Variants in ST6GALNAC3 observed in about 807,000 individuals in gnomAD.
ST6GALNAC3 encodes alpha-N-acetylgalactosaminide alpha-2,6-sialyltransferase 3.
Under a neutral mutation model 32.7 loss-of-function variants are expected in ST6GALNAC3, and 25 were observed. The observed-to-expected ratio is 0.76, with a 90% CI of 0.56 to 1.07. The LOEUF is 1.07. ST6GALNAC3 is among the 50% of genes least tolerant of loss of function. The pLI, the probability that ST6GALNAC3 is intolerant of heterozygous loss-of-function variation, is 0.00. For synonymous variants in ST6GALNAC3, 129 were observed against 133.1 expected (o/e 0.97, Z 0.21); for missense variants, 355 against 382.4 (o/e 0.93, Z 0.60).
At chr1:76,156,038 A>AC (rs1393377367) in intron 1 of ST6GALNAC3, among the ~76,000 whole-genome samples, 1 of 152,120 alleles carries the variant, frequency 6.6e-6, no homozygotes, top group Non-Finnish European at 1.5e-5. Context: ...GTTTTTAATG[A>AC]CCTTGACAGT....
intron 3 of ST6GALNAC3, among the ~76,000 whole-genome samples, chr1:76,478,663 C>T (rs540840674): frequency 2.0e-5 from 3 of 151,496 alleles, no homozygotes; most frequent in African/African-American, 7.3e-5. Flanking sequence ...CCTAGTACTA[C>T]TATTTTTTCC....
intron 1 of ST6GALNAC3, among the ~76,000 whole-genome samples, chr1:76,295,182 A>C (rs1660324884): frequency 6.6e-6 from 1 of 151,882 alleles, no homozygotes. Flanking sequence ...GAGCCTGAGC[A>C]ATTATAGTTT....
intron 3 of ST6GALNAC3, among the ~76,000 whole-genome samples, chr1:76,552,215 G>A (rs1445445824): frequency 1.3e-5 from 2 of 152,062 alleles, no homozygotes; most frequent in African/African-American, 4.8e-5. Context: ...TTAGTCTCAG[G>A]GCCCACAAAG....
intron 3 of ST6GALNAC3, among the ~76,000 whole-genome samples, chr1:76,466,739 G>A (rs779112627): frequency 2.4e-4 from 37 of 151,974 alleles, no homozygotes; most frequent in African/African-American, 8.2e-4. Flanking sequence ...GAGACTCTTA[G>A]TCAATTTTAA....
intron 3 of ST6GALNAC3, among the ~76,000 whole-genome samples, chr1:76,438,926 T>C (rs1472933340): frequency 6.6e-6 from 1 of 152,240 alleles, no homozygotes; most frequent in Non-Finnish European, 1.5e-5. Context: ...ATGTGAGCTT[T>C]CTGAAGAGCA....
chr1:76,126,608 C>T (rs901591455), intron 1 of ST6GALNAC3, among the ~76,000 whole-genome samples: 11 of 152,246 alleles, frequency 7.2e-5, no homozygotes, highest in Non-Finnish European at 8.8e-5. Flanking sequence ...TGCTCTGAGA[C>T]GCAGCACTCA....
intron 3 of ST6GALNAC3, among the ~76,000 whole-genome samples, chr1:76,515,702 T>C (rs1236697849): frequency 6.6e-6 from 1 of 152,206 alleles, no homozygotes; most frequent in African/African-American, 2.4e-5. Flanking sequence ...TTAATTTCCA[T>C]GTATTTGTAA....
intron 1 of ST6GALNAC3, among the ~76,000 whole-genome samples, chr1:76,260,430 T>C (rs1200614289): frequency 1.3e-5 from 2 of 152,212 alleles, no homozygotes; most frequent in Non-Finnish European, 2.9e-5. Context: ...TAGTCCCCAG[T>C]TATTGAACAC....
intron 1 of ST6GALNAC3, among the ~76,000 whole-genome samples, chr1:76,229,582 G>GC (rs1484111160): frequency 4.6e-5 from 7 of 152,158 alleles, no homozygotes; most frequent in Admixed American, 1.3e-4. Flanking sequence ...TTCTCATTTG[G>GC]TTGGTCTTTG....
chr1:76,494,649 GCACACACACA>G (rs35632611), intron 3 of ST6GALNAC3, among the ~76,000 whole-genome samples: 7 of 67,700 alleles, frequency 1.0e-4, no homozygotes, highest in Admixed American at 3.3e-4. Context: ...ATGTGTATGC[GCACACACACA>G]CACACACACA....
intron 3 of ST6GALNAC3, among the ~76,000 whole-genome samples, chr1:76,532,596 AAG>A (rs767038841): frequency 1.3e-5 from 2 of 152,210 alleles, no homozygotes; most frequent in East Asian, 1.9e-4. Flanking sequence ...GCAGCTTATA[AAG>A]AGAGAATTAA....
chr1:76,571,530 C>A (rs1391767932), intron 3 of ST6GALNAC3, among the ~76,000 whole-genome samples: 2 of 152,086 alleles, frequency 1.3e-5, no homozygotes, highest in African/African-American at 4.8e-5. Flanking sequence ...GTGTTGAATT[C>A]TTCACCTCAA....
At chr1:76,245,168 T>C (rs975992805) in intron 1 of ST6GALNAC3, among the ~76,000 whole-genome samples, 3 of 152,218 alleles carry the variant, frequency 2.0e-5, no homozygotes, top group African/African-American at 4.8e-5. Context: ...TGGGAGGGTG[T>C]ATGTGTCCAG....
At chr1:76,550,728 T>A (rs1664569273) in intron 3 of ST6GALNAC3, among the ~76,000 whole-genome samples, 2 of 152,116 alleles carry the variant, frequency 1.3e-5, no homozygotes, top group Admixed American at 6.6e-5. Context: ...TTATAATGGA[T>A]AAAAAGCTTT....
chr1:76,464,756 C>T (rs752752369), intron 3 of ST6GALNAC3, among the ~76,000 whole-genome samples: 5 of 152,238 alleles, frequency 3.3e-5, no homozygotes, highest in Non-Finnish European at 7.4e-5. Flanking sequence ...AATTACCCTA[C>T]GAGGTCATTC....
chr1:76,404,969 T>A (rs543595413), intron 2 of ST6GALNAC3, among the ~76,000 whole-genome samples: 1 of 152,166 alleles, frequency 6.6e-6, no homozygotes, highest in Non-Finnish European at 1.5e-5. Flanking sequence ...GTTCTTGTTT[T>A]TACTTGAGAT....
intron 2 of ST6GALNAC3, among the ~76,000 whole-genome samples, chr1:76,324,923 A>T (rs1219966213): frequency 6.6e-6 from 1 of 151,894 alleles, no homozygotes; most frequent in Non-Finnish European, 1.5e-5. Flanking sequence ...CATTTTTTTA[A>T]TTTTTCACAT....
chr1:76,295,322 ATGTCTACCAAG>A (rs1436754818), intron 1 of ST6GALNAC3, among the ~76,000 whole-genome samples: 2 of 152,106 alleles, frequency 1.3e-5, no homozygotes, highest in Admixed American at 6.5e-5. Flanking sequence ...AACTCTCAGA[ATGTCTACCAAG>A]TGTATTATGC....
At chr1:76,361,492 T>C (rs1248541395) in intron 2 of ST6GALNAC3, among the ~76,000 whole-genome samples, 1 of 152,230 alleles carries the variant, frequency 6.6e-6, no homozygotes, top group African/African-American at 2.4e-5. Context: ...AACATGTGGG[T>C]TGCTTCCACT....
Sources: gnomAD v4.1 joint callset for allele counts (sites outside exome capture counted in the v4.1 genomes callset) on GRCh38, gnomAD v4.1.1 for gene constraint, MANE v1.5 for transcripts, NCBI Gene and HGNC (gene_info 2026-07-23, HGNC 2026-07-21) for gene names.